Variants in USP54 observed in about 807,000 individuals in gnomAD.
USP54 encodes ubiquitin carboxyl-terminal hydrolase 54.
USP54 carries 87 observed loss-of-function variants against 170.5 expected under a neutral mutation model. That is an observed-to-expected ratio of 0.51 (90% confidence interval 0.43 to 0.61). The LOEUF is 0.61. Among genes scored for constraint, USP54 ranks in the 20% least tolerant of loss-of-function variants. The pLI, the probability that USP54 is intolerant of heterozygous loss-of-function variation, is 0.00. For missense variants in USP54, 1,786 were observed against 2,047.8 expected, an observed-to-expected ratio of 0.87 and a Z score of 2.47; for synonymous variants, 655 against 742.8, an observed-to-expected ratio of 0.88 and a Z score of 1.92.
intron 22 of USP54, among the ~76,000 whole-genome samples, chr10:73,501,656 C>G (rs561310322): frequency 3.9e-5 from 6 of 152,292 alleles, no homozygotes; most frequent in African/African-American, 1.4e-4. Flanking sequence ...TATCTCCCAT[C>G]CACTCCTCCT....
rs34747653 is a variant in USP54, at chr10:73,534,210, CT to C, written c.1315+389del. On this transcript the variant is annotated intron_variant, in intron 12 of 23. Coordinates refer to ENST00000687698, the MANE Select transcript of USP54 (RefSeq NM_001391956.1). ...TCTGACTTCCCCCAGTTTCTTTCTC[CT>C]TTTTTTTTTTTTTGAGACGGAGTCT... 2.8e-3 allele frequency among the ~76,000 whole-genome samples: 407 copies of C among 144,028 alleles called. 1 individual carries two copies. The highest frequency in any genetic ancestry group is 2.8e-3 in the Admixed American group (40 of 14,384). 94.5% of individuals were successfully genotyped at this position (144,028 alleles called of 152,430 possible).
chr10:73,580,318 C>CA (rs550717480), intron 1 of USP54, among the ~76,000 whole-genome samples: 4,200 of 64,098 alleles, frequency 0.066, 92 homozygotes, highest in Middle Eastern at 0.12. Context: ...GACCCCATTT[C>CA]AAAAAAAAAA....
intron 1 of USP54, among the ~76,000 whole-genome samples, chr10:73,613,147 T>C (rs938346545): frequency 1.3e-5 from 2 of 150,098 alleles, no homozygotes; most frequent in African/African-American, 4.9e-5. Flanking sequence ...TTTTTTTTTT[T>C]TTTTGGAGAT....
At position 73,614,331 on chromosome 10, in the gene USP54, G is replaced by A. The variant is rs1223512704; in HGVS notation, c.-18+11236C>T. Among the ~76,000 whole-genome samples the A allele has an allele frequency of 4.0e-5, 6 of 150,094 alleles. 1 individual carries two copies. Among genetic ancestry groups the A allele is most frequent in the African/African-American group, 7.6e-5 (3 of 39,580 alleles). On this transcript the variant is annotated intron_variant, in intron 1 of 22. Transcript: ENST00000339859. ...TCCCAGCACTTTGGGAGGCCAAGGC[G>A]GATGGATCACTTGAGGTCAGGAGTT...
In USP54 at chr10:73,530,760, G is replaced by A; in HGVS notation, c.1391C>T (p.Ser464Phe). Residue 464 changes from serine (S) to phenylalanine (F), a missense_variant, in exon 13 of 24, where the codon TCT (serine) becomes TTT (phenylalanine). This residue lies in a region of USP54 where 1,418 missense variants were observed against 1,569.0 expected (regional missense o/e 0.90). Coordinates refer to ENST00000687698, the MANE Select transcript of USP54 (RefSeq NM_001391956.1). The stretch of plus-strand genomic sequence containing the variant: ...ATCGCCTTTCCTCCTAACCCGACCA[G>A]AGCTCCTCTTGCGCTCTATCAGTGA... ...KGSLIERKRS[S>F]GRVRRKGDEP... 1 of 1,614,090 alleles carries A rather than the reference G, an allele frequency of 6.2e-7. No homozygotes were observed.
chr10:73,502,704 T>C (rs1352513784), intron 22 of USP54, among the ~76,000 whole-genome samples: 1 of 152,130 alleles, frequency 6.6e-6, no homozygotes, highest in Non-Finnish European at 1.5e-5. Context: ...TTTTTCTCAG[T>C]CTCCTTTTAG....
chr10:73,568,594 G>A (rs2074356658), intron 4 of USP54, among the ~76,000 whole-genome samples: 1 of 151,700 alleles, frequency 6.6e-6, no homozygotes, highest in Non-Finnish European at 1.5e-5. Context: ...AAGCCCTTAG[G>A]GGAAAAAAAA....
intron 12 of USP54, among the ~76,000 whole-genome samples, chr10:73,531,048 A>C (rs1246473201): frequency 6.6e-6 from 1 of 152,160 alleles, no homozygotes; most frequent in Admixed American, 6.6e-5. Context: ...CTATAATTGC[A>C]GCACTTTGGG....
At chr10:73,556,740 C>T (rs1197509658) in intron 4 of USP54, among the ~76,000 whole-genome samples, 2 of 152,112 alleles carry the variant, frequency 1.3e-5, no homozygotes, top group African/African-American at 4.8e-5. Context: ...ACTAGAGATT[C>T]CTTGAATTCT....
chr10:73,536,189 G>C (rs2065174633), intron 11 of USP54, 80 bp downstream of exon 11: 8 of 1,546,924 alleles, frequency 5.2e-6, no homozygotes, highest in Non-Finnish European at 7.0e-6. Context: ...TACGAGCTAA[G>C]CACATAATTA....
rs532837202 is a variant in USP54, at chr10:73,602,729, G to A, written c.-18+22838C>T. Among the ~76,000 whole-genome samples, 236 of 151,156 alleles carry A rather than the reference G, an allele frequency of 1.6e-3. 1 individual carries two copies. The highest frequency in any genetic ancestry group is 5.4e-3 in the African/African-American group (223 of 41,200). The stretch of plus-strand genomic sequence containing the variant: ...AAATTAGCCAGGCGTGGTGGTGTGC[G>A]CCTGTAGTCCCAGCTACTTGGGAGA... On this transcript the variant is annotated intron_variant, in intron 1 of 22. Transcript: ENST00000339859.
At chr10:73,602,634 G>A (rs1487649448) in intron 1 of USP54, among the ~76,000 whole-genome samples, 2 of 151,594 alleles carry the variant, frequency 1.3e-5, no homozygotes, top group African/African-American at 4.9e-5. Flanking sequence ...CAAGGCGGGT[G>A]GATCACCTGA....
intron 15 of USP54, 87 bp downstream of exon 15, chr10:73,529,593 A>C (rs753095349): frequency 1.4e-6 from 2 of 1,444,976 alleles, no homozygotes; most frequent in Admixed American, 3.3e-5. Context: ...CCATCCCTCC[A>C]CTTGTCTCAG....
In USP54 at chr10:73,523,693, C is replaced by T; in HGVS notation, c.2252G>A (p.Arg751Lys). ...TCTTCGAAGTTCCTGTTCCTGCGCC[C>T]TCCTGGCCACCTCTTCCTGCAATTC... is the stretch of plus-strand genomic sequence containing the variant. ...LDELQEEVARRAQEQELRRKR... is the reference protein window; with the variant it reads ...LDELQEEVARKAQEQELRRKR... Residue 751 changes from arginine to lysine, a missense_variant, in exon 17 of 24, where the codon AGG (arginine) becomes AAG (lysine). Physicochemically the swap from Arg to Lys is conservative, Grantham distance 26 (BLOSUM62 2). This residue lies in a region of USP54 where 1,418 missense variants were observed against 1,569.0 expected (regional missense o/e 0.90). Coordinates refer to ENST00000687698, the MANE Select transcript of USP54 (RefSeq NM_001391956.1). 6.2e-7 allele frequency: 1 copy of T among 1,613,896 alleles called. No homozygotes were observed. The highest frequency in any genetic ancestry group is 8.5e-7 in the Non-Finnish European group (1 of 1,179,940).
intron 4 of USP54, among the ~76,000 whole-genome samples, chr10:73,563,731 C>T (rs2073648719): frequency 6.6e-6 from 1 of 152,138 alleles, no homozygotes; most frequent in Non-Finnish European, 1.5e-5. Flanking sequence ...GCCACCGCAC[C>T]CAGCCTTTTA....
intron 1 of USP54, among the ~76,000 whole-genome samples, chr10:73,603,756 AAAC>A: frequency 6.6e-6 from 1 of 151,202 alleles, no homozygotes. Flanking sequence ...TCAAAAACAA[AAAC>A]AACAAAAAAA....
intron 1 of USP54, among the ~76,000 whole-genome samples, chr10:73,606,820 A>C (rs1384971600): frequency 1.3e-5 from 2 of 150,378 alleles, no homozygotes; most frequent in African/African-American, 4.9e-5. Context: ...TGGAGGTTGC[A>C]GTGAGCCAAG....
rs1019123640 is a variant in USP54 at position 73,516,004 on chromosome 10, G to A, written c.4051+371C>T. ...TCACTATGTTGGCCAGGATGGTCTCGATCTCCTGACCTTGTGATCTGCCCG... is the reference window on the plus strand; with the variant it reads ...TCACTATGTTGGCCAGGATGGTCTCAATCTCCTGACCTTGTGATCTGCCCG... On this transcript the variant is annotated intron_variant, in intron 20 of 23. Transcript: ENST00000687698. 8 of 166,566 alleles carry A rather than the reference G, an allele frequency of 4.8e-5. No individual in the cohort carries two copies. The East Asian group carries it at 5.1e-4, about 11-fold the overall frequency. 10.3% of individuals were successfully genotyped at this position (166,566 alleles called of 1,614,324 possible). A position where few individuals can be genotyped will look rare whatever the true frequency, so the allele number is the denominator to read the frequency against.
chr10:73,617,287 A>C (rs1382313315), intron 1 of USP54, among the ~76,000 whole-genome samples: 1 of 147,246 alleles, frequency 6.8e-6, no homozygotes, highest in Non-Finnish European at 1.5e-5. Flanking sequence ...CAAGAGCGAA[A>C]CCCTGTCTCA....
Sources: allele counts gnomAD v4.1 joint callset (sites outside exome capture counted in the v4.1 genomes callset), GRCh38; gene constraint gnomAD v4.1.1; regional missense constraint gnomAD v4.1.1; transcripts MANE v1.5; gene names NCBI Gene and HGNC (gene_info 2026-07-23, HGNC 2026-07-21).